Variants in KMT2C observed in about 807,000 individuals in gnomAD.
KMT2C encodes the protein histone-lysine N-methyltransferase 2C.
KMT2C carries 88 observed loss-of-function variants against 507.9 expected under a neutral mutation model. The observed-to-expected ratio is 0.17, with a 90% CI of 0.15 to 0.21. The LOEUF is 0.21. Among genes scored for constraint, KMT2C ranks in the 10% least tolerant of loss-of-function variants. The pLI is 1.00. For synonymous variants in KMT2C, 2,049 were observed against 2,080.8 expected (o/e 0.98, Z 0.42); for missense variants, 4,954 against 5,957.8 (o/e 0.83, Z 5.55).
At chr7:152,290,286 ATATATATATTTTTTTTTTTTT>A (rs2096400822) in intron 6 of KMT2C, among the ~76,000 whole-genome samples, 1 of 33,828 alleles carries the variant, frequency 3.0e-5, no homozygotes, top group African/African-American at 1.5e-4. Context: ...ATATATATAT[ATATATATATTTTTTTTTTTTT>A]TTTTTTTTTT....
chr7:152,356,115 G>A (rs943733599), intron 2 of KMT2C, among the ~76,000 whole-genome samples: 1 of 152,074 alleles, frequency 6.6e-6, no homozygotes, highest in Non-Finnish European at 1.5e-5. Flanking sequence ...AGGGATGCAA[G>A]CAAGAAAATA....
Position 152,353,187 on chromosome 7 carries a change from T to G in KMT2C, c.250+5400A>C, listed in dbSNP as rs549039379. On this transcript the variant is annotated intron_variant, in intron 2 of 58. Transcript: ENST00000262189. ...TGCCCGTAATCCCACCACTTTGGGA[T>G]GCCAAGGCAGGTGGATCACGAGGTC... Among the ~76,000 whole-genome samples, 57 of 152,132 alleles carry G rather than the reference T, an allele frequency of 3.7e-4. 2 individuals carry two copies. The South Asian group carries it at 7.7e-3, about 20-fold the overall frequency.
At chr7:152,249,840 C>T (rs2129165400) in intron 13 of KMT2C, 36 bp downstream of exon 13, 1 of 1,283,782 alleles carries the variant, frequency 7.8e-7, no homozygotes, top group South Asian at 1.2e-5. Context: ...TATCTTGTAA[C>T]TCAATCAAAT....
chr7:152,194,156 A>C (rs767886395), intron 30 of KMT2C, 28 bp from the exon 31 acceptor site: 2 of 1,564,946 alleles, frequency 1.3e-6, no homozygotes, highest in Non-Finnish European at 1.7e-6. Flanking sequence ...AATAGTAACA[A>C]GATTAAAAGA....
intron 16 of KMT2C, among the ~76,000 whole-genome samples, chr7:152,230,952 G>C (rs1426307223): frequency 1.3e-5 from 2 of 152,038 alleles, no homozygotes; most frequent in African/African-American, 4.8e-5. Context: ...AGGTAGCTGG[G>C]ATTACAGTTG....
chr7:152,276,204 C>T (rs559229939), intron 6 of KMT2C, among the ~76,000 whole-genome samples: 2 of 152,176 alleles, frequency 1.3e-5, no homozygotes, highest in East Asian at 1.9e-4. Flanking sequence ...GAAGAGCACT[C>T]GGCATTAAAA....
intron 2 of KMT2C, among the ~76,000 whole-genome samples, chr7:152,349,038 A>C (rs1038250336): frequency 6.6e-6 from 1 of 152,226 alleles, no homozygotes; most frequent in Non-Finnish European, 1.5e-5. Context: ...TTAACTGCCA[A>C]AACCAGGGTG....
At chr7:152,187,112 A>G in intron 33 of KMT2C, 150 bp downstream of exon 33, 1 of 643,966 alleles carries the variant, frequency 1.6e-6, no homozygotes, top group East Asian at 2.7e-5. Context: ...GTAAAATGCA[A>G]GATGTTTCTA....
intron 2 of KMT2C, among the ~76,000 whole-genome samples, chr7:152,358,083 C>G (rs973455442): frequency 5.3e-5 from 8 of 152,188 alleles, no homozygotes; most frequent in African/African-American, 1.9e-4. Context: ...GCAACCAACT[C>G]TAGCTACCTT....
At chr7:152,426,744 T>A (rs2097823021) in intron 1 of KMT2C, among the ~76,000 whole-genome samples, 1 of 152,208 alleles carries the variant, frequency 6.6e-6, no homozygotes, top group South Asian at 2.1e-4. Context: ...TTCATAACAA[T>A]CCTAAATTAG....
chr7:152,367,618 A>C, intron 1 of KMT2C: 5 of 1,375,410 alleles, frequency 3.6e-6, no homozygotes, highest in Non-Finnish European at 5.2e-6. Context: ...AATTAAAAAG[A>C]CTATACAGGT....
chr7:152,290,220 ATG>A (rs71198772), intron 6 of KMT2C, among the ~76,000 whole-genome samples: 3,539 of 86,182 alleles, frequency 0.041, 85 homozygotes, highest in African/African-American at 0.071. Flanking sequence ...TTATATATAT[ATG>A]TGTGTGTGTG....
Position 152,330,733 on chromosome 7 carries a change from T to C in KMT2C, c.257A>G (p.Lys86Arg). Residue 86 changes from lysine (K) to arginine (R), a missense_variant, in exon 3 of 59, where the codon AAA (lysine) becomes AGA (arginine). By Grantham distance (26) the Lys-to-Arg change is conservative. Coordinates refer to ENST00000262189, the MANE Select transcript of KMT2C (RefSeq NM_170606.3). ...ETETIVETEI[K>R]EQSAEEDAEA... Reference sequence around the variant, plus strand: ...AGCATCCTCTTCTGCAGATTGTTCTTTGATTTCTGCTTAACAGTAAACAAG... The same window carrying C: ...AGCATCCTCTTCTGCAGATTGTTCTCTGATTTCTGCTTAACAGTAAACAAG... The C allele has an allele frequency of 5.6e-6, 9 of 1,613,850 alleles. No individual in the cohort carries two copies. The highest frequency in any genetic ancestry group is 1.6e-4 in the Middle Eastern group (1 of 6,062).
intron 23 of KMT2C, among the ~76,000 whole-genome samples, chr7:152,213,511 T>C (rs1268929976): frequency 1.3e-5 from 2 of 152,100 alleles, no homozygotes; most frequent in African/African-American, 2.4e-5. Flanking sequence ...GATATCTATA[T>C]GCAAAAGAAT....
At chr7:152,434,114 T>C (rs1283033636) in intron 1 of KMT2C, among the ~76,000 whole-genome samples, 1 of 152,216 alleles carries the variant, frequency 6.6e-6, no homozygotes, top group African/African-American at 2.4e-5. Flanking sequence ...TGTCTAAAAA[T>C]TACTTAAACC....
At chr7:152,356,575 C>A (rs2097153126) in intron 2 of KMT2C, among the ~76,000 whole-genome samples, 1 of 147,806 alleles carries the variant, frequency 6.8e-6, no homozygotes, top group South Asian at 2.2e-4. Context: ...GAAACTCTGT[C>A]TCAAAAAAAC....
intron 6 of KMT2C, among the ~76,000 whole-genome samples, chr7:152,299,962 T>G (rs2096552243): frequency 6.6e-6 from 1 of 152,118 alleles, no homozygotes; most frequent in Non-Finnish European, 1.5e-5. Context: ...AGGCAAAGCA[T>G]ATTTCAGAGT....
intron 31 of KMT2C, among the ~76,000 whole-genome samples, chr7:152,193,571 T>C (rs905968549): frequency 6.6e-6 from 1 of 152,136 alleles, no homozygotes; most frequent in Admixed American, 6.5e-5. Flanking sequence ...TTGTGCCATA[T>C]GCTACAAATG....
At chr7:152,302,247 T>A (rs1387151653) in intron 6 of KMT2C, among the ~76,000 whole-genome samples, 1 of 152,128 alleles carries the variant, frequency 6.6e-6, no homozygotes, top group Admixed American at 6.5e-5. Context: ...AACACCTGGT[T>A]TTTTTTGAGA....
Sources: gnomAD v4.1 joint callset for allele counts (sites outside exome capture counted in the v4.1 genomes callset) on GRCh38, gnomAD v4.1.1 for gene constraint, MANE v1.5 for transcripts, NCBI Gene and HGNC (gene_info 2026-07-23, HGNC 2026-07-21) for gene names.